The following ZEB2 variants were observed in gnomAD, a reference collection of about 807,000 sequenced individuals.
ZEB2 encodes the protein zinc finger E-box-binding homeobox 2.
ZEB2 carries 6 observed loss-of-function variants against 99.9 expected under a neutral mutation model. That is an observed-to-expected ratio of 0.06 (90% CI 0.03 to 0.12). The LOEUF is 0.12. Among genes scored for constraint, ZEB2 ranks in the 10% least tolerant of loss-of-function variants. The pLI, the probability that ZEB2 is intolerant of heterozygous loss-of-function variation, is 1.00. For missense variants in ZEB2, 969 were observed against 1,502.8 expected, an observed-to-expected ratio of 0.64 and a Z score of 5.87; for synonymous variants, 517 against 542.5, an observed-to-expected ratio of 0.95 and a Z score of 0.65.
chr2:144,473,305 G>A (rs1406975731), intron 2 of ZEB2, among the ~76,000 whole-genome samples: 2 of 152,166 alleles, frequency 1.3e-5, no homozygotes, highest in African/African-American at 4.8e-5. Context: ...GGCAGATAGG[G>A]AAAATGAGTA....
chr2:144,416,893 G>A (rs1703546510), intron 4 of ZEB2, among the ~76,000 whole-genome samples: 1 of 152,176 alleles, frequency 6.6e-6, no homozygotes, highest in African/African-American at 2.4e-5. Flanking sequence ...TGAACACTTT[G>A]CATTTGAACT....
chr2:144,486,307 AC>A (rs1321479488), intron 2 of ZEB2, among the ~76,000 whole-genome samples: 1 of 151,936 alleles, frequency 6.6e-6, no homozygotes, highest in Non-Finnish European at 1.5e-5. Context: ...TTTTTGGTCG[AC>A]CTGAAAAAAT....
At chr2:144,396,718 T>A in intron 8 of ZEB2, 126 bp from the exon 9 acceptor site, 1 of 1,025,282 alleles carries the variant, frequency 9.8e-7, no homozygotes, top group Non-Finnish European at 1.5e-6. Context: ...TTAAACATTT[T>A]TTTTTCCATG....
intron 4 of ZEB2, among the ~76,000 whole-genome samples, chr2:144,416,064 G>C (rs1285606944): frequency 6.6e-6 from 1 of 152,176 alleles, no homozygotes; most frequent in East Asian, 1.9e-4. Flanking sequence ...TTGCTCCTGG[G>C]CTAACCCTGG....
chr2:144,470,750 G>A (rs1481494587), intron 2 of ZEB2, among the ~76,000 whole-genome samples: 1 of 152,082 alleles, frequency 6.6e-6, no homozygotes. Context: ...CCTAGAGCCT[G>A]GGTTGTGTCC....
intron 2 of ZEB2, chr2:144,511,684 C>T (rs1705041364): frequency 2.3e-6 from 3 of 1,286,948 alleles, no homozygotes; most frequent in Non-Finnish European, 3.0e-6. Flanking sequence ...TAAATATATA[C>T]AAAATTCACA....
At chr2:144,499,032 A>G (rs975240800) in intron 2 of ZEB2, among the ~76,000 whole-genome samples, 1 of 152,242 alleles carries the variant, frequency 6.6e-6, no homozygotes, top group African/African-American at 2.4e-5. Context: ...GAAATTATTG[A>G]TTTCTGCCTG....
intron 4 of ZEB2, among the ~76,000 whole-genome samples, chr2:144,416,696 C>T (rs1332226745): frequency 6.6e-6 from 1 of 152,202 alleles, no homozygotes; most frequent in African/African-American, 2.4e-5. Context: ...TGATAACCCA[C>T]TCCATCTTTC....
In ZEB2 at chr2:144,388,164, AAAAC is replaced by A. The variant is rs983855107; in HGVS notation, c.*1283_*1286del. 1 of 152,632 alleles carries A rather than the reference AAAAC, an allele frequency of 6.6e-6. No individual in the cohort carries two copies. Among genetic ancestry groups the A allele is most frequent in the Non-Finnish European group, 1.5e-5 (1 of 68,020 alleles). The allele number at this position is 152,632 out of a possible 1,614,324, so 9.5% of individuals were successfully genotyped here. On this transcript the variant is annotated 3_prime_UTR_variant, in exon 10 of 10. Transcript: ENST00000627532. This position sits in a 1 kb window ranked among gnomAD's most constrained non-coding sequence, Gnocchi z 5.4. ...TTTAACAGTCCCTCTTTTTAGCTAA[AAAAC>A]AAGATGAAGAAAGTGGAATTTTCAG...
chr2:144,478,613 C>A (rs1346012211), intron 2 of ZEB2, among the ~76,000 whole-genome samples: 6 of 152,210 alleles, frequency 3.9e-5, no homozygotes, highest in African/African-American at 1.4e-4. Context: ...AATGAAAACA[C>A]TTTCTTAGGT....
intron 2 of ZEB2, among the ~76,000 whole-genome samples, chr2:144,432,864 C>T (rs569522539): frequency 1.1e-4 from 17 of 152,226 alleles, no homozygotes; most frequent in African/African-American, 2.2e-4. Context: ...TAATAACCAA[C>T]GTATACTGGT....
At chr2:144,490,197 C>A (rs773653776) in intron 2 of ZEB2, among the ~76,000 whole-genome samples, 1 of 152,234 alleles carries the variant, frequency 6.6e-6, no homozygotes, top group Non-Finnish European at 1.5e-5. Context: ...AATCCCACCA[C>A]TGTCACTTAG....
intron 2 of ZEB2, among the ~76,000 whole-genome samples, chr2:144,506,474 C>G (rs1358988403): frequency 6.6e-6 from 1 of 152,164 alleles, no homozygotes; most frequent in Non-Finnish European, 1.5e-5. Flanking sequence ...AACCTCACCT[C>G]TTAAAACTGA....
intron 2 of ZEB2, among the ~76,000 whole-genome samples, chr2:144,476,571 A>C (rs1385627252): frequency 1.3e-5 from 2 of 152,234 alleles, no homozygotes; most frequent in African/African-American, 4.8e-5. Context: ...AGCTGAGGGC[A>C]GCACCTGAAA....
At chr2:144,455,220 A>G (rs1277457204) in intron 2 of ZEB2, 1 of 152,180 alleles carries the variant, frequency 6.6e-6, no homozygotes, top group Non-Finnish European at 1.5e-5. Flanking sequence ...CTGCACTTGG[A>G]TTGCTAACAA....
chr2:144,428,317 C>T (rs1703716575), intron 3 of ZEB2: 1 of 152,132 alleles, frequency 6.6e-6, no homozygotes, highest in African/African-American at 2.4e-5. Flanking sequence ...ATCATTGGCT[C>T]TTATTATACA....
chr2:144,517,251 A>G (rs1318760239), intron 2 of ZEB2, 27 bp downstream of exon 2: 1 of 1,612,744 alleles, frequency 6.2e-7, no homozygotes, highest in African/African-American at 1.3e-5. Context: ...AGTGGCCCGG[A>G]AAAGTTTGGT....
Position 144,389,812 on chromosome 2 carries a change from G to T in ZEB2, c.3284C>A (p.Ala1095Glu). 6.2e-7 allele frequency: 1 copy of T among 1,612,530 alleles called. No homozygotes were observed. Residue 1095 changes from alanine (A) to glutamate (E), a missense_variant, in exon 10 of 10, where the codon GCG becomes GAG. This residue lies in a region of ZEB2 where 121 missense variants were observed against 166.4 expected (regional missense o/e 0.73). Coordinates refer to ENST00000627532, the MANE Select transcript of ZEB2 (RefSeq NM_014795.4). This position sits in a 1 kb window ranked among gnomAD's most constrained non-coding sequence, Gnocchi z 6.8. The stretch of plus-strand genomic sequence containing the variant: ...GGGTTCCAAGTGCCCTTTCTCGCGC[G>T]CCTCGCGCTCCGCCGCTTCCCGCTC... Reference protein sequence around the residue: ...AEEREAAEREAREKGHLEPTE... With the variant: ...AEEREAAEREEREKGHLEPTE...
chr2:144,511,838 A>G, intron 2 of ZEB2: 1 of 1,287,218 alleles, frequency 7.8e-7, no homozygotes, highest in Non-Finnish European at 1.0e-6. Context: ...TATTGGTTTA[A>G]ATCATCCTTC....
Sources: gnomAD v4.1 joint callset for allele counts (sites outside exome capture counted in the v4.1 genomes callset) on GRCh38, gnomAD v4.1.1 for gene constraint, gnomAD v4.1.1 regional missense constraint, Gnocchi (gnomAD v3.1) non-coding constraint, MANE v1.5 for transcripts, NCBI Gene and HGNC (gene_info 2026-07-23, HGNC 2026-07-21) for gene names.